The following GNAL variants were observed in gnomAD, a reference collection of about 807,000 sequenced individuals.
The protein encoded by GNAL is guanine nucleotide-binding protein G(olf) subunit alpha.
In GNAL, 18 loss-of-function variants were observed where a neutral mutation model predicts 55.1. The observed-to-expected ratio is 0.33, with a 90% CI of 0.23 to 0.48. The LOEUF (loss-of-function observed/expected upper bound fraction) is 0.48, where lower values mean the gene tolerates loss of function less well. Among genes scored for constraint, GNAL ranks in the 20% least tolerant of loss-of-function variants. The probability of loss-of-function intolerance (pLI) is 0.99; values close to 1 mark genes in which losing one functional copy is unlikely to be tolerated. For synonymous variants in GNAL, 253 were observed against 237.0 expected (o/e 1.07, Z -0.62); for missense variants, 412 against 614.1 (o/e 0.67, Z 3.48).
chr18:11,779,632 T>C (rs1322915724), intron 4 of GNAL, among the ~76,000 whole-genome samples: 1 of 152,026 alleles, frequency 6.6e-6, no homozygotes, highest in African/African-American at 2.4e-5. Context: ...GGAGTGAAAA[T>C]GCGGGTCAAT....
intron 1 of GNAL, among the ~76,000 whole-genome samples, chr18:11,701,714 C>T (rs1221933462): frequency 6.6e-6 from 1 of 152,158 alleles, no homozygotes; most frequent in Non-Finnish European, 1.5e-5. Flanking sequence ...GCACCCACAG[C>T]TCCCAGAATG....
chr18:11,788,995 G>A (rs1448040513), intron 4 of GNAL, among the ~76,000 whole-genome samples: 2 of 146,340 alleles, frequency 1.4e-5, no homozygotes, highest in African/African-American at 2.6e-5. Flanking sequence ...TAAGTTAAAT[G>A]TAGAGTATTA....
chr18:11,792,018 G>T (rs1227065263), intron 4 of GNAL, among the ~76,000 whole-genome samples: 2 of 152,054 alleles, frequency 1.3e-5, no homozygotes, highest in African/African-American at 4.8e-5. Context: ...CTAATTTTTT[G>T]AGTTCAGACC....
intron 9 of GNAL, among the ~76,000 whole-genome samples, chr18:11,871,731 C>A (rs1255643296): frequency 1.3e-5 from 2 of 152,160 alleles, no homozygotes; most frequent in Non-Finnish European, 2.9e-5. Context: ...AGTTTTCCGA[C>A]CTTTTATTGG....
intron 5 of GNAL, among the ~76,000 whole-genome samples, chr18:11,849,580 T>C (rs2143773327): frequency 6.6e-6 from 1 of 151,556 alleles, no homozygotes; most frequent in African/African-American, 2.4e-5. Flanking sequence ...AAGAAACTTG[T>C]TTGCAAACTC....
intron 1 of GNAL, among the ~76,000 whole-genome samples, chr18:11,691,169 G>C (rs2031235985): frequency 6.6e-6 from 1 of 151,848 alleles, no homozygotes; most frequent in Non-Finnish European, 1.5e-5. Context: ...GTGTGAGATG[G>C]TATCTCATTG....
intron 1 of GNAL, among the ~76,000 whole-genome samples, chr18:11,738,847 G>A (rs551579212): frequency 3.3e-5 from 5 of 152,262 alleles, no homozygotes; most frequent in Middle Eastern, 3.4e-3. Flanking sequence ...CGTGCAGAGC[G>A]GGTGAGGATG....
chr18:11,703,651 G>A (rs2031632437), intron 1 of GNAL, among the ~76,000 whole-genome samples: 1 of 152,152 alleles, frequency 6.6e-6, no homozygotes, highest in South Asian at 2.1e-4. Context: ...ACTTCGCTGT[G>A]CCTCATGGAG....
chr18:11,812,903 A>G (rs2034855138), intron 4 of GNAL, among the ~76,000 whole-genome samples: 1 of 152,198 alleles, frequency 6.6e-6, no homozygotes, highest in Non-Finnish European at 1.5e-5. Context: ...AAAATTTAAC[A>G]GCAGATGTAA....
At chr18:11,810,128 C>A (rs931903257) in intron 4 of GNAL, among the ~76,000 whole-genome samples, 1 of 152,224 alleles carries the variant, frequency 6.6e-6, no homozygotes, top group Non-Finnish European at 1.5e-5. Flanking sequence ...GGGCGGCTCA[C>A]GCCTATAATG....
intron 1 of GNAL, among the ~76,000 whole-genome samples, chr18:11,739,938 C>G (rs926033400): frequency 6.6e-6 from 1 of 152,040 alleles, no homozygotes; most frequent in Non-Finnish European, 1.5e-5. Flanking sequence ...AAAACCTCCC[C>G]CTGCGTTCAG....
intron 5 of GNAL, among the ~76,000 whole-genome samples, chr18:11,860,497 A>C (rs977134212): frequency 1.3e-5 from 2 of 152,258 alleles, no homozygotes; most frequent in Admixed American, 6.5e-5. Context: ...AGCTGAGTGA[A>C]CTAACAAAGA....
intron 4 of GNAL, among the ~76,000 whole-genome samples, chr18:11,808,001 C>T (rs1382768789): frequency 6.6e-6 from 1 of 150,812 alleles, no homozygotes; most frequent in Non-Finnish European, 1.5e-5. Flanking sequence ...GGAGAAACCA[C>T]ACTTCCTTGT....
At chr18:11,693,196 T>G (rs990848847) in intron 1 of GNAL, among the ~76,000 whole-genome samples, 8 of 152,170 alleles carry the variant, frequency 5.3e-5, no homozygotes, top group Non-Finnish European at 1.0e-4. Flanking sequence ...ATAATAAAAG[T>G]TATTAGACTA....
rs1598433691 is a variant in GNAL at position 11,859,061 on chromosome 18, C to T, written c.723-3334C>T. ...AGTTATTATCATCTGAATACATTCA[C>T]CACCTACCTCCAACCTATGTGCATC... On this transcript the variant is annotated intron_variant, in intron 5 of 11. Coordinates refer to ENST00000334049, the MANE Select transcript of GNAL (RefSeq NM_182978.4). Among the ~76,000 whole-genome samples, 3 of 152,318 alleles carry T rather than the reference C, an allele frequency of 2.0e-5. No homozygotes were observed. In the South Asian group the frequency reaches 6.2e-4, roughly 32 times the overall value.
intron 4 of GNAL, among the ~76,000 whole-genome samples, chr18:11,796,586 A>AAC (rs1568031412): frequency 6.7e-6 from 1 of 148,548 alleles, no homozygotes; most frequent in African/African-American, 2.5e-5. Flanking sequence ...AAAAAAAAAA[A>AAC]AAAAAAAAAC....
intron 1 of GNAL, among the ~76,000 whole-genome samples, chr18:11,712,275 G>A (rs551288214): frequency 7.9e-5 from 12 of 152,234 alleles, no homozygotes; most frequent in Admixed American, 5.9e-4. Context: ...CCACTCTCTC[G>A]GGGAGAGTGA....
At chr18:11,815,689 T>TA in intron 4 of GNAL, among the ~76,000 whole-genome samples, 2 of 152,014 alleles carry the variant, frequency 1.3e-5, no homozygotes, top group Non-Finnish European at 2.9e-5. Flanking sequence ...ATGTTTTAAA[T>TA]AAAAAAATAA....
rs377423060 is a variant in GNAL, at chr18:11,782,146, G to C, written c.624+28201G>C. 2.5e-3 allele frequency among the ~76,000 whole-genome samples: 374 copies of C among 152,204 alleles called. 1 individual carries two copies. Among genetic ancestry groups the C allele is most frequent in the African/African-American group, 8.6e-3 (358 of 41,546 alleles). ...AGCCTGGCCAACACGGTAAAACCCT[G>C]TCTCTACTAAAAATACAAAAATTAG... On this transcript the variant is annotated intron_variant, in intron 4 of 11. Transcript: ENST00000334049.
Sources: allele counts gnomAD v4.1 joint callset (sites outside exome capture counted in the v4.1 genomes callset), GRCh38; gene constraint gnomAD v4.1.1; transcripts MANE v1.5; gene names NCBI Gene and HGNC (gene_info 2026-07-23, HGNC 2026-07-21).